The following PPP1R14C variants were observed in gnomAD, a reference collection of about 807,000 sequenced individuals.
PPP1R14C encodes protein phosphatase 1 regulatory inhibitor subunit 14C.
Under a neutral mutation model 20.4 loss-of-function variants are expected in PPP1R14C, and 16 were observed. The observed-to-expected ratio is 0.78, with a 90% confidence interval of 0.53 to 1.19. The LOEUF is 1.19. PPP1R14C is among the 50% of genes most tolerant of loss of function. The pLI is 0.00. For synonymous variants in PPP1R14C, 91 were observed against 91.0 expected (o/e 1.00, Z 0.00); for missense variants, 211 against 220.1 (o/e 0.96, Z 0.26).
intron 1 of PPP1R14C, among the ~76,000 whole-genome samples, chr6:150,176,744 C>A (rs181837882): frequency 6.6e-6 from 1 of 152,136 alleles, no homozygotes; most frequent in African/African-American, 2.4e-5. Context: ...TGAGTGAGGC[C>A]CAGGTAAGGG....
intron 1 of PPP1R14C, among the ~76,000 whole-genome samples, chr6:150,206,711 C>A (rs142751994): frequency 0.011 from 1,698 of 152,242 alleles, 21 homozygotes; most frequent in South Asian, 0.022. Flanking sequence ...CAGAAGTGAA[C>A]CTTCGTAGGA....
chr6:150,241,251 G>C (rs1287758344), intron 3 of PPP1R14C, among the ~76,000 whole-genome samples: 1 of 152,250 alleles, frequency 6.6e-6, no homozygotes, highest in Non-Finnish European at 1.5e-5. Context: ...CTGAGCATAT[G>C]TATGTGCTGG....
intron 3 of PPP1R14C, among the ~76,000 whole-genome samples, chr6:150,236,045 C>G (rs2114928025): frequency 6.6e-6 from 1 of 152,272 alleles, no homozygotes; most frequent in Non-Finnish European, 1.5e-5. Context: ...TCACCCCAGG[C>G]AGCATGGTGC....
In PPP1R14C at chr6:150,185,561, G is replaced by C. The variant is rs1447233712; in HGVS notation, c.307-29183G>C. On this transcript the variant is annotated intron_variant, in intron 1 of 3. Coordinates refer to ENST00000361131, the MANE Select transcript of PPP1R14C (RefSeq NM_030949.3). This position sits in a 1 kb window ranked among gnomAD's most constrained non-coding sequence, Gnocchi z 4.1. ...TGTTTCTGCCTACCCTTGGCTGCTG[G>C]GTGCAGGGCTCAGGGCTCCACAGAG... is the stretch of plus-strand genomic sequence containing the variant. Among the ~76,000 whole-genome samples the C allele has an allele frequency of 6.6e-6, 1 of 152,116 alleles. No homozygotes were observed. Among genetic ancestry groups the C allele is most frequent in the Non-Finnish European group, 1.5e-5 (1 of 68,032 alleles).
chr6:150,159,934 C>T (rs1777346276), intron 1 of PPP1R14C, among the ~76,000 whole-genome samples: 1 of 152,146 alleles, frequency 6.6e-6, no homozygotes, highest in African/African-American at 2.4e-5. Flanking sequence ...AGTTTCTCAG[C>T]CTTCCTTTGT....
intron 1 of PPP1R14C, among the ~76,000 whole-genome samples, chr6:150,155,352 A>G (rs1777294255): frequency 1.3e-5 from 2 of 152,186 alleles, no homozygotes; most frequent in South Asian, 2.1e-4. Context: ...ATATTTATTT[A>G]TTTGGTATAA....
At chr6:150,193,356 C>A (rs1181185251) in intron 1 of PPP1R14C, among the ~76,000 whole-genome samples, 1 of 151,580 alleles carries the variant, frequency 6.6e-6, no homozygotes, top group African/African-American at 2.4e-5. Flanking sequence ...TGTCAGTGGT[C>A]CCCAAATGCC....
At chr6:150,246,070 T>C (rs1219411770) in intron 3 of PPP1R14C, among the ~76,000 whole-genome samples, 2 of 152,224 alleles carry the variant, frequency 1.3e-5, no homozygotes, top group Non-Finnish European at 2.9e-5. Context: ...CTGAAATTTA[T>C]GTACATCATG....
At chr6:150,197,443 G>GT (rs1466734004) in intron 1 of PPP1R14C, among the ~76,000 whole-genome samples, 10 of 152,246 alleles carry the variant, frequency 6.6e-5, no homozygotes, top group Non-Finnish European at 1.3e-4. Context: ...GGTAAGAAAT[G>GT]TTTGAGTTGA....
chr6:150,203,278 C>A (rs1777900732), intron 1 of PPP1R14C, among the ~76,000 whole-genome samples: 1 of 152,204 alleles, frequency 6.6e-6, no homozygotes, highest in Non-Finnish European at 1.5e-5. Context: ...ATATTTTAGT[C>A]TTTTCCAGAA....
chr6:150,240,252 G>A (rs1778415871), intron 3 of PPP1R14C, among the ~76,000 whole-genome samples: 2 of 152,194 alleles, frequency 1.3e-5, no homozygotes, highest in African/African-American at 4.8e-5. Context: ...ACAAGCTTGT[G>A]CCAGTAAATC....
At chr6:150,244,521 G>A (rs1398407409) in intron 3 of PPP1R14C, among the ~76,000 whole-genome samples, 1 of 152,156 alleles carries the variant, frequency 6.6e-6, no homozygotes, top group Non-Finnish European at 1.5e-5. Context: ...GCAATTTAAA[G>A]CAGCAGCATC....
chr6:150,143,202 G>A lies in PPP1R14C; in HGVS notation c.10G>A (p.Ala4Thr). MSV[A>T]TGSSETAGGA... ...TCGGGCGCGCGGGGACATGTCGGTG[G>A]CGACGGGCAGCAGCGAGACGGCCGG... The change falls in exon 1 of 4, where the codon GCG becomes ACG. Residue 4 changes from alanine (A) to threonine (T), a missense_variant. Transcript: ENST00000361131. This position sits in a 1 kb window ranked among gnomAD's most constrained non-coding sequence, Gnocchi z 5.6. The A allele has an allele frequency of 7.4e-7, 1 of 1,348,630 alleles. No individual in the cohort carries two copies. The highest frequency in any genetic ancestry group is 9.4e-7 in the Non-Finnish European group (1 of 1,060,418). 83.5% of individuals were successfully genotyped at this position (1,348,630 alleles called of 1,614,324 possible). A position where few individuals can be genotyped will look rare whatever the true frequency, so the allele number is the denominator to read the frequency against.
intron 1 of PPP1R14C, among the ~76,000 whole-genome samples, chr6:150,146,767 C>T (rs9479762): frequency 0.094 from 14,256 of 152,072 alleles, 776 homozygotes; most frequent in Middle Eastern, 0.14. Context: ...TCTGGGGACC[C>T]GGATCACAGA....
intron 1 of PPP1R14C, among the ~76,000 whole-genome samples, chr6:150,163,596 TC>T (rs1410765541): frequency 6.6e-6 from 1 of 152,098 alleles, no homozygotes; most frequent in Non-Finnish European, 1.5e-5. Flanking sequence ...TCCAAGGTCA[TC>T]TGATTAATTT....
chr6:150,170,920 T>A (rs6925743), intron 1 of PPP1R14C, among the ~76,000 whole-genome samples: 49,563 of 151,876 alleles, frequency 0.33, 8,348 homozygotes, highest in Middle Eastern at 0.5. Flanking sequence ...AAAATACATT[T>A]AAAAAATTTT....
Position 150,160,431 on chromosome 6 carries a change from ATT to A in PPP1R14C, c.306+16947_306+16948del, listed in dbSNP as rs71010884. On this transcript the variant is annotated intron_variant, in intron 1 of 3. Transcript: ENST00000361131. Reference sequence around the variant, plus strand: ...AGGTGCCGACCACCACACCCAGCTAATTTTTTTTTTTTTTTGTATTTTTAGTA... The same window carrying A: ...AGGTGCCGACCACCACACCCAGCTAATTTTTTTTTTTTTGTATTTTTAGTA... 2.7e-3 allele frequency among the ~76,000 whole-genome samples: 387 copies of A among 142,706 alleles called. 2 individuals are homozygous for A. Among genetic ancestry groups the A allele is most frequent in the African/African-American group, 5.2e-3 (202 of 38,594 alleles). The allele number at this position is 142,706 out of a possible 152,430, so 93.6% of individuals were successfully genotyped here.
chr6:150,165,953 A>G (rs1482947890), intron 1 of PPP1R14C, among the ~76,000 whole-genome samples: 1 of 152,222 alleles, frequency 6.6e-6, no homozygotes, highest in African/African-American at 2.4e-5. Context: ...AAATAGAGGA[A>G]TGCATTTTCA....
At chr6:150,180,843 C>T (rs988018704) in intron 1 of PPP1R14C, among the ~76,000 whole-genome samples, 4 of 152,150 alleles carry the variant, frequency 2.6e-5, no homozygotes, top group Admixed American at 1.3e-4. Context: ...TGACCCTGGA[C>T]TACATCAGCA....
Sources: gnomAD v4.1 joint callset for allele counts (sites outside exome capture counted in the v4.1 genomes callset) on GRCh38, gnomAD v4.1.1 for gene constraint, Gnocchi (gnomAD v3.1) non-coding constraint, MANE v1.5 for transcripts, NCBI Gene and HGNC (gene_info 2026-07-23, HGNC 2026-07-21) for gene names.